The following KIF11 variants were observed in gnomAD, a reference collection of about 807,000 sequenced individuals.
KIF11 encodes the protein kinesin-like protein KIF11.
KIF11 carries 9 observed loss-of-function variants against 121.0 expected under a neutral mutation model. The observed-to-expected ratio is 0.07, with a 90% CI of 0.04 to 0.13. The LOEUF (loss-of-function observed/expected upper bound fraction) is 0.13. Among genes scored for constraint, KIF11 ranks in the 10% least tolerant of loss-of-function variants. The pLI, the probability that KIF11 is intolerant of heterozygous loss-of-function variation, is 1.00. For synonymous variants in KIF11, 408 were observed against 421.0 expected (o/e 0.97, Z 0.38); for missense variants, 846 against 1,217.5 (o/e 0.69, Z 4.54).
chr10:92,600,353 A>G (rs1310112402), intron 1 of KIF11, among the ~76,000 whole-genome samples: 1 of 152,094 alleles, frequency 6.6e-6, no homozygotes, highest in African/African-American at 2.4e-5. Flanking sequence ...GTACATGTGC[A>G]TGATGTGCAG....
At chr10:92,642,450 A>G (rs1844875557) in intron 17 of KIF11, among the ~76,000 whole-genome samples, 2 of 152,186 alleles carry the variant, frequency 1.3e-5, no homozygotes, top group African/African-American at 2.4e-5. Context: ...AGTGTTCTGT[A>G]TGTGTCACTT....
chr10:92,642,891 A>C (rs1308975378), intron 17 of KIF11, among the ~76,000 whole-genome samples: 1 of 152,128 alleles, frequency 6.6e-6, no homozygotes, highest in African/African-American at 2.4e-5. Context: ...TTTTCATCAA[A>C]TTTATAATCT....
intron 10 of KIF11, 22 bp downstream of exon 10, chr10:92,621,495 T>C: frequency 7.0e-7 from 1 of 1,425,950 alleles, no homozygotes; most frequent in Non-Finnish European, 9.9e-7. Flanking sequence ...GCTATGGAGT[T>C]AATTTCCAAG....
rs1845013646 is a variant in KIF11 at position 92,653,741 on chromosome 10, C to T, written c.3116C>T (p.Thr1039Ile). The T allele has an allele frequency of 1.2e-6, 2 of 1,613,624 alleles. No homozygotes were observed. The highest frequency in any genetic ancestry group is 1.7e-6 in the Non-Finnish European group (2 of 1,179,600). The change falls in exon 22 of 22, where the codon ACA becomes ATA. Residue 1039 changes from threonine to isoleucine, a missense_variant. This residue lies in a region of KIF11 where 492 missense variants were observed against 603.4 expected (regional missense o/e 0.82). Coordinates refer to ENST00000260731, the MANE Select transcript of KIF11 (RefSeq NM_004523.4). ...TLERSKVEET[T>I]EHLVTKSRLP... Reference sequence around the variant, plus strand: ...GAGAGGTCTAAAGTGGAAGAAACTACAGAGCACTTGGTTACAAAGAGCAGA... The same window carrying T: ...GAGAGGTCTAAAGTGGAAGAAACTATAGAGCACTTGGTTACAAAGAGCAGA...
rs766596337 is a variant in KIF11, at chr10:92,653,668, A to G, written c.3043A>G (p.Lys1015Glu). 6.2e-7 allele frequency: 1 copy of G among 1,610,652 alleles called. No homozygotes were observed. The highest frequency in any genetic ancestry group is 1.1e-5 in the South Asian group (1 of 90,712). The stretch of plus-strand genomic sequence containing the variant: ...TTTTCCCGCCTTAAATCCACAGCAT[A>G]AAAAATCACATGGAAAAGACAAAGA... The part of the protein sequence containing the change: ...SIGGVPFFQH[K>E]KSHGKDKENR... The change falls in exon 22 of 22, where the codon AAA becomes GAA. Residue 1015 changes from lysine to glutamate, a missense_variant. Coordinates refer to ENST00000260731, the MANE Select transcript of KIF11 (RefSeq NM_004523.4).
chr10:92,609,295 A>AGT (rs1844467087), intron 5 of KIF11, 90 bp downstream of exon 5: 2 of 989,250 alleles, frequency 2.0e-6, no homozygotes, highest in Admixed American at 3.8e-5. Flanking sequence ...AGAGAGAGAG[A>AGT]GAGAGAGAGT....
At chr10:92,599,853 A>G (rs1844347217) in intron 1 of KIF11, among the ~76,000 whole-genome samples, 1 of 149,128 alleles carries the variant, frequency 6.7e-6, no homozygotes, top group Admixed American at 6.7e-5. Flanking sequence ...GGGTTTCACC[A>G]TGTTGGCCAG....
In KIF11 at chr10:92,613,345, C is replaced by T. The variant is rs1844517057; in HGVS notation, c.790-32C>T. ...AGTCTTTGAATCCAAATCCAATAGA[C>T]TCACTTTTTATTTTTATTTTTAAAA... On this transcript the variant is annotated intron_variant, in intron 7 of 21. Coordinates refer to ENST00000260731, the MANE Select transcript of KIF11 (RefSeq NM_004523.4). The surrounding 1 kb of genome is among the most constrained non-coding windows in gnomAD (Gnocchi z 4.2). 1 of 1,474,054 alleles carries T rather than the reference C, an allele frequency of 6.8e-7. No homozygotes were observed. The highest frequency in any genetic ancestry group is 9.2e-7 in the Non-Finnish European group (1 of 1,086,062). The allele number at this position is 1,474,054 out of a possible 1,614,324, so 91.3% of individuals were successfully genotyped here.
At chr10:92,653,491 A>C (rs1845010252) in intron 21 of KIF11, among the ~76,000 whole-genome samples, 174 bp from the exon 22 acceptor site, 1 of 152,258 alleles carries the variant, frequency 6.6e-6, no homozygotes, top group Non-Finnish European at 1.5e-5. Context: ...CAAATAAAGA[A>C]GGCATTTGGC....
At chr10:92,607,133 G>T in intron 3 of KIF11, 26 bp from the exon 4 acceptor site, 1 of 1,432,492 alleles carries the variant, frequency 7.0e-7, no homozygotes, top group South Asian at 1.2e-5. Context: ...GTTTCTTTTT[G>T]ATTTAACACT....
chr10:92,630,854 C>T (rs7077137), intron 12 of KIF11, among the ~76,000 whole-genome samples: 20,155 of 108,350 alleles, frequency 0.19, 3,164 homozygotes, highest in African/African-American at 0.46. Flanking sequence ...GCAACAAGAG[C>T]GAAACTCCGT....
chr10:92,627,612 G>A lies in KIF11; in HGVS notation c.1218-1196G>A, dbSNP rs59595159. 4.5e-3 allele frequency among the ~76,000 whole-genome samples: 679 copies of A among 151,236 alleles called. 3 individuals carry two copies. Among genetic ancestry groups the A allele is most frequent in the African/African-American group, 0.016 (655 of 41,178 alleles). On this transcript the variant is annotated intron_variant, in intron 10 of 21. Transcript: ENST00000260731. ...CTTTGGGATCTTTTTTTTCCCTGTT[G>A]TGATATCTGTCATTTGTATTTATTT...
chr10:92,597,491 C>G (rs796454893), intron 1 of KIF11, among the ~76,000 whole-genome samples: 13 of 152,064 alleles, frequency 8.5e-5, no homozygotes, highest in African/African-American at 3.1e-4. Flanking sequence ...TCTTGAACTA[C>G]TGGCCTCAAG....
intron 19 of KIF11, 109 bp from the exon 20 acceptor site, chr10:92,649,724 TTA>T: frequency 1.5e-6 from 1 of 687,892 alleles, no homozygotes; most frequent in Non-Finnish European, 2.4e-6. Flanking sequence ...TATATGGCAA[TTA>T]TATTTTTATA....
At position 92,613,642 on chromosome 10, in the gene KIF11, G is replaced by A; in HGVS notation, c.1032+23G>A. ...GAGGTAAGCCCTTTGAAAGGAAGCT[G>A]CAAGTGTAGTAGCTGTAATTCTTAT... is the stretch of plus-strand genomic sequence containing the variant. On this transcript the variant is annotated intron_variant, in intron 8 of 21. Transcript: ENST00000260731. The surrounding 1 kb of genome is among the most constrained non-coding windows in gnomAD (Gnocchi z 4.2). 1.3e-6 allele frequency: 2 copies of A among 1,590,386 alleles called. No individual in the cohort carries two copies. Among genetic ancestry groups the A allele is most frequent in the Non-Finnish European group, 1.7e-6 (2 of 1,169,262 alleles).
At position 92,613,333 on chromosome 10, in the gene KIF11, A is replaced by C. The variant is rs763704027; in HGVS notation, c.790-44A>C. ...TGTGAGAATGAAAGTCTTTGAATCC[A>C]AATCCAATAGACTCACTTTTTATTT... is the stretch of plus-strand genomic sequence containing the variant. On this transcript the variant is annotated intron_variant, in intron 7 of 21. Coordinates refer to ENST00000260731, the MANE Select transcript of KIF11 (RefSeq NM_004523.4). The surrounding 1 kb of genome is among the most constrained non-coding windows in gnomAD (Gnocchi z 4.2). 1.9e-5 allele frequency: 27 copies of C among 1,408,780 alleles called. No individual in the cohort carries two copies. Among genetic ancestry groups the C allele is most frequent in the Non-Finnish European group, 2.4e-5 (25 of 1,036,996 alleles). The allele number at this position is 1,408,780 out of a possible 1,614,324, so 87.3% of individuals were successfully genotyped here.
chr10:92,599,497 C>T (rs1489046031), intron 1 of KIF11, among the ~76,000 whole-genome samples: 18 of 148,598 alleles, frequency 1.2e-4, no homozygotes, highest in Non-Finnish European at 1.9e-4. Context: ...TGTACTCCAG[C>T]CTGGGCAACA....
intron 17 of KIF11, among the ~76,000 whole-genome samples, chr10:92,640,758 CAG>C (rs1844856421): frequency 6.6e-6 from 1 of 151,574 alleles, no homozygotes; most frequent in African/African-American, 2.4e-5. Context: ...CAAAAACAAA[CAG>C]CCTGCTCTGT....
At chr10:92,622,154 A>G (rs1336699782) in intron 10 of KIF11, among the ~76,000 whole-genome samples, 1 of 152,132 alleles carries the variant, frequency 6.6e-6, no homozygotes, top group African/African-American at 2.4e-5. Context: ...CATGCCCGTA[A>G]TCATAGCTAC....
Sources: allele counts gnomAD v4.1 joint callset (sites outside exome capture counted in the v4.1 genomes callset), GRCh38; gene constraint gnomAD v4.1.1; regional missense constraint gnomAD v4.1.1; non-coding constraint Gnocchi (gnomAD v3.1); transcripts MANE v1.5; gene names NCBI Gene and HGNC (gene_info 2026-07-23, HGNC 2026-07-21).